AKAP13: variants seen among roughly 807,000 people sequenced by gnomAD.
The protein encoded by AKAP13 is A-kinase anchoring protein 13.
AKAP13 carries 80 observed loss-of-function variants against 264.5 expected under a neutral mutation model. The observed-to-expected ratio is 0.30, with a 90% CI of 0.25 to 0.36. The LOEUF (loss-of-function observed/expected upper bound fraction) is 0.36, where lower values mean the gene tolerates loss of function less well. Among genes scored for constraint, AKAP13 ranks in the 10% least tolerant of loss-of-function variants. The pLI is 1.00. For missense variants in AKAP13, 3,712 were observed against 3,435.2 expected (o/e 1.08, Z -2.01); for synonymous variants, 1,380 against 1,250.2 (o/e 1.10, Z -2.19).
intron 1 of AKAP13, among the ~76,000 whole-genome samples, chr15:85,452,314 A>G (rs2074121285): frequency 6.6e-6 from 1 of 150,660 alleles, no homozygotes; most frequent in African/African-American, 2.4e-5. Flanking sequence ...TTTTGTCATC[A>G]TCCCGAATCT....
At chr15:85,601,608 T>TTGTGTGTGTGTGTG (rs10574160) in intron 8 of AKAP13, among the ~76,000 whole-genome samples, 11,220 of 131,834 alleles carry the variant, frequency 0.085, 562 homozygotes, top group Middle Eastern at 0.11. Context: ...CCTGAATTCT[T>TTGTGTGTGTGTGTG]TGTGTGTGTG....
At position 85,402,782 on chromosome 15, in the gene AKAP13, C is replaced by T. The variant is rs1596057006; in HGVS notation, c.-12+21984C>T. ...TGCCGTAAATGGTAGTTGAGGCTTA[C>T]TAAGATTGTGTAGCTTGGCTAAACT... On this transcript the variant is annotated intron_variant, in intron 1 of 36. Coordinates refer to ENST00000394518, the MANE Select transcript of AKAP13 (RefSeq NM_007200.5). 2.0e-5 allele frequency among the ~76,000 whole-genome samples: 3 copies of T among 152,154 alleles called. No individual in the cohort carries two copies. In the South Asian group the frequency reaches 6.2e-4, roughly 32 times the overall value.
At chr15:85,664,536 G>T (rs932377832) in intron 12 of AKAP13, 27 bp from the exon 13 acceptor site, 3 of 1,574,232 alleles carry the variant, frequency 1.9e-6, no homozygotes, top group South Asian at 2.3e-5. Context: ...GAAATAGAAT[G>T]AATTAACTTT....
intron 1 of AKAP13, among the ~76,000 whole-genome samples, chr15:85,434,910 G>A (rs2073203508): frequency 6.6e-6 from 1 of 151,062 alleles, no homozygotes; most frequent in Non-Finnish European, 1.5e-5. Flanking sequence ...AAAATGCAGA[G>A]CGCCTCTCCT....
intron 8 of AKAP13, among the ~76,000 whole-genome samples, chr15:85,593,155 C>T (rs1397270814): frequency 1.3e-5 from 2 of 151,786 alleles, no homozygotes; most frequent in African/African-American, 4.8e-5. Flanking sequence ...ACTAAAAATG[C>T]AAAAAAATTA....
chr15:85,385,490 A>G lies in AKAP13; in HGVS notation c.-12+4692A>G, dbSNP rs1268939902. On this transcript the variant is annotated intron_variant, in intron 1 of 36. Coordinates refer to ENST00000394518, the MANE Select transcript of AKAP13 (RefSeq NM_007200.5). Reference sequence around the variant, plus strand: ...ATATATCCACTGCTGCAAACAGGACAGTCCCTTCATCCTCCAGAATTCTTC... The same window carrying G: ...ATATATCCACTGCTGCAAACAGGACGGTCCCTTCATCCTCCAGAATTCTTC... Among the ~76,000 whole-genome samples the G allele has an allele frequency of 3.3e-5, 5 of 152,324 alleles. No homozygotes were observed. The South Asian group carries it at 6.2e-4, about 19-fold the overall frequency.
In AKAP13 at chr15:85,465,458, G is replaced by A. The variant is rs1034947320; in HGVS notation, c.-11-20252G>A. Among the ~76,000 whole-genome samples the A allele has an allele frequency of 3.4e-5, 5 of 147,016 alleles. No individual in the cohort carries two copies. In the East Asian group the frequency reaches 8.1e-4, roughly 24 times the overall value. ...GCTGGTGTGCCGCACCCATTAACTC[G>A]TCATTTAGCATTAGGTATATCTCCT... On this transcript the variant is annotated intron_variant, in intron 1 of 36. Transcript: ENST00000394518.
intron 13 of AKAP13, among the ~76,000 whole-genome samples, chr15:85,666,161 A>C (rs7166913): frequency 0.29 from 44,419 of 152,092 alleles, 6,657 homozygotes; most frequent in Non-Finnish European, 0.31. Flanking sequence ...AAGCGTTCCT[A>C]TCTCTCCATA....
chr15:85,642,375 A>G (rs937815137), intron 9 of AKAP13, among the ~76,000 whole-genome samples: 1 of 152,220 alleles, frequency 6.6e-6, no homozygotes, highest in Non-Finnish European at 1.5e-5. Flanking sequence ...AGTCTAACTA[A>G]AAAACCAGAG....
At chr15:85,381,344 C>A (rs1038479556) in intron 1 of AKAP13, among the ~76,000 whole-genome samples, 24 of 151,968 alleles carry the variant, frequency 1.6e-4, no homozygotes, top group Non-Finnish European at 2.8e-4. Context: ...GGTGCCTCTC[C>A]GCGGCTTCTC....
intron 1 of AKAP13, among the ~76,000 whole-genome samples, chr15:85,445,101 A>C (rs986735847): frequency 6.6e-6 from 1 of 152,152 alleles, no homozygotes; most frequent in Non-Finnish European, 1.5e-5. Flanking sequence ...ATCTCTGATA[A>C]GTACTGGGAA....
At chr15:85,467,079 C>G (rs2074769172) in intron 1 of AKAP13, among the ~76,000 whole-genome samples, 3 of 68,198 alleles carry the variant, frequency 4.4e-5, no homozygotes, top group Admixed American at 4.1e-4. Context: ...ATTAACTACA[C>G]ACACACACAC....
At chr15:85,386,374 A>G (rs903150082) in intron 1 of AKAP13, among the ~76,000 whole-genome samples, 5 of 150,792 alleles carry the variant, frequency 3.3e-5, no homozygotes, top group African/African-American at 1.2e-4. Flanking sequence ...GTTCACTGGA[A>G]TCTCCGCCTC....
intron 18 of AKAP13, among the ~76,000 whole-genome samples, chr15:85,709,843 A>C (rs2086536505): frequency 6.6e-6 from 1 of 152,006 alleles, no homozygotes. Context: ...GCCCGTCACC[A>C]TGCCCAGCTA....
chr15:85,440,055 A>G (rs1423608594), intron 1 of AKAP13, among the ~76,000 whole-genome samples: 1 of 152,172 alleles, frequency 6.6e-6, no homozygotes, highest in South Asian at 2.1e-4. Context: ...ACTGTAAAGG[A>G]AAAAGAACAC....
intron 20 of AKAP13, 139 bp from the exon 21 acceptor site, chr15:85,717,151 C>T (rs1056393606): frequency 2.5e-5 from 14 of 559,952 alleles, no homozygotes; most frequent in African/African-American, 4.0e-5. Context: ...GCTGTGGCCC[C>T]GACATAAGCA....
At chr15:85,679,725 G>C (rs531343058) in intron 14 of AKAP13, among the ~76,000 whole-genome samples, 1 of 152,266 alleles carries the variant, frequency 6.6e-6, no homozygotes, top group South Asian at 2.1e-4. Flanking sequence ...TAAATCTGCA[G>C]GTTATTTCAT....
chr15:85,492,059 A>G (rs1347839323), intron 2 of AKAP13, among the ~76,000 whole-genome samples: 2 of 152,198 alleles, frequency 1.3e-5, no homozygotes, highest in Non-Finnish European at 2.9e-5. Flanking sequence ...ATATACCAAG[A>G]TGTCTTATTA....
rs769545574 is a variant in AKAP13, at chr15:85,562,607, C to A, written c.663-12524C>A. On this transcript the variant is annotated intron_variant, in intron 5 of 36. Coordinates refer to ENST00000394518, the MANE Select transcript of AKAP13 (RefSeq NM_007200.5). ...TATATATATATATATATATATATAT[C>A]TCTGTCCTTATATCTTAATCCTTGA... 9.0e-3 allele frequency among the ~76,000 whole-genome samples: 1,196 copies of A among 133,090 alleles called. 16 individuals carry two copies. The highest frequency in any genetic ancestry group is 0.012 in the Non-Finnish European group (734 of 62,706). 87.3% of individuals were successfully genotyped at this position (133,090 alleles called of 152,430 possible). A position where few individuals can be genotyped will look rare whatever the true frequency, so the allele number is the denominator to read the frequency against.
Sources: gnomAD v4.1 joint callset for allele counts (sites outside exome capture counted in the v4.1 genomes callset) on GRCh38, gnomAD v4.1.1 for gene constraint, MANE v1.5 for transcripts, NCBI Gene and HGNC (gene_info 2026-07-23, HGNC 2026-07-21) for gene names.